TEAD1: variants seen among roughly 807,000 people sequenced by gnomAD.
The protein encoded by TEAD1 is TEA domain transcription factor 1.
A neutral mutation model predicts 54.9 loss-of-function variants in TEAD1; 9 were observed. That is an observed-to-expected ratio of 0.16 (90% confidence interval 0.10 to 0.29). The LOEUF (loss-of-function observed/expected upper bound fraction) is 0.29. Ranked by LOEUF, TEAD1 falls within the 10% of genes least tolerant of loss-of-function variation. TEAD1 has a pLI of 1.00. For synonymous variants in TEAD1, 200 were observed against 187.8 expected, an observed-to-expected ratio of 1.07 and a Z score of -0.53; for missense variants, 387 against 535.9, an observed-to-expected ratio of 0.72 and a Z score of 2.74.
At chr11:12,785,323 G>A (rs992421806) in intron 3 of TEAD1, among the ~76,000 whole-genome samples, 3 of 152,162 alleles carry the variant, frequency 2.0e-5, no homozygotes, top group Non-Finnish European at 2.9e-5. Context: ...CCCTTTTCCC[G>A]GTTCCAGTTC....
chr11:12,689,835 C>G (rs1943415988), intron 2 of TEAD1, among the ~76,000 whole-genome samples: 1 of 152,024 alleles, frequency 6.6e-6, no homozygotes, highest in African/African-American at 2.4e-5. Context: ...TGGAAGCAAT[C>G]CTAGTTGTCA....
chr11:12,864,652 GTTTT>G (rs1361626280), intron 4 of TEAD1, 182 bp from the exon 5 acceptor site: 84 of 1,385,788 alleles, frequency 6.1e-5, no homozygotes, highest in Non-Finnish European at 7.5e-5. Context: ...GTTTTGTTTT[GTTTT>G]GTTTCCCCTC....
At chr11:12,815,181 G>T (rs1466679999) in intron 3 of TEAD1, among the ~76,000 whole-genome samples, 2 of 152,134 alleles carry the variant, frequency 1.3e-5, no homozygotes, top group Non-Finnish European at 2.9e-5. Flanking sequence ...GTTTTAAACA[G>T]AAACTGTGTT....
chr11:12,915,299 T>C (rs1157484884), intron 10 of TEAD1, among the ~76,000 whole-genome samples: 1 of 152,096 alleles, frequency 6.6e-6, no homozygotes. Flanking sequence ...TCACTCCCAT[T>C]CTTCACTGGG....
At chr11:12,883,481 A>G (rs543000908) in intron 9 of TEAD1, among the ~76,000 whole-genome samples, 1 of 152,262 alleles carries the variant, frequency 6.6e-6, no homozygotes, top group African/African-American at 2.4e-5. Flanking sequence ...AGTTATTTAG[A>G]TATATGATCA....
intron 5 of TEAD1, among the ~76,000 whole-genome samples, chr11:12,876,484 C>T (rs1354359719): frequency 6.6e-6 from 1 of 152,096 alleles, no homozygotes; most frequent in Non-Finnish European, 1.5e-5. Flanking sequence ...ATACGTGGAA[C>T]TCTTCGGGTC....
intron 2 of TEAD1, among the ~76,000 whole-genome samples, chr11:12,758,242 T>C (rs1945024538): frequency 6.6e-6 from 1 of 151,554 alleles, no homozygotes; most frequent in African/African-American, 2.4e-5. Context: ...TGTTTTTTTT[T>C]TTTTAATTTT....
At chr11:12,891,929 G>A (rs1018753273) in intron 9 of TEAD1, among the ~76,000 whole-genome samples, 4 of 152,264 alleles carry the variant, frequency 2.6e-5, no homozygotes, top group Middle Eastern at 3.4e-3. Context: ...TTGCTGCCTG[G>A]TGTTCTGGCC....
At chr11:12,857,617 A>G (rs7926297) in intron 3 of TEAD1, among the ~76,000 whole-genome samples, 1,466 of 69,794 alleles carry the variant, frequency 0.021, 21 homozygotes, top group African/African-American at 0.1. Context: ...TGTGTGTTAG[A>G]AGATCATGGC....
chr11:12,838,777 A>C (rs1946962660), intron 3 of TEAD1, among the ~76,000 whole-genome samples: 1 of 152,170 alleles, frequency 6.6e-6, no homozygotes, highest in Non-Finnish European at 1.5e-5. Context: ...AACATTTCTG[A>C]TTCTCTAATA....
intron 6 of TEAD1, 54 bp downstream of exon 6, chr11:12,879,896 G>A: frequency 6.2e-7 from 1 of 1,609,656 alleles, no homozygotes; most frequent in Non-Finnish European, 8.5e-7. Context: ...GGGTTGGCAT[G>A]TGCCAGTGTT....
At chr11:12,878,957 T>C (rs1947911654) in intron 5 of TEAD1, 1 of 1,238,542 alleles carries the variant, frequency 8.1e-7, no homozygotes, top group South Asian at 1.3e-5. Context: ...GGCAGACTTT[T>C]TTGGCTAGCT....
chr11:12,889,765 AG>A (rs1355659166), intron 9 of TEAD1, among the ~76,000 whole-genome samples: 2 of 152,088 alleles, frequency 1.3e-5, no homozygotes, highest in Non-Finnish European at 1.5e-5. Flanking sequence ...TGCATTGCCC[AG>A]GCTGGAATGT....
At chr11:12,780,409 A>G (rs1945518577) in intron 3 of TEAD1, among the ~76,000 whole-genome samples, 1 of 151,886 alleles carries the variant, frequency 6.6e-6, no homozygotes, top group South Asian at 2.1e-4. Flanking sequence ...ATACCCAGCT[A>G]AGTTTTGTAT....
At position 12,852,108 on chromosome 11, in the gene TEAD1, G is replaced by T. The variant is rs141533475; in HGVS notation, c.203-10142G>T. ...AAAGAGAAGAGAAAGAACATGTAAG[G>T]ATAGGTGGTTCCACAAAGGCATGGA... On this transcript the variant is annotated intron_variant, in intron 3 of 12. Transcript: ENST00000527636. Among the ~76,000 whole-genome samples the T allele has an allele frequency of 9.8e-3, 1,495 of 152,304 alleles. 27 individuals carry two copies. Among genetic ancestry groups the T allele is most frequent in the African/African-American group, 0.034 (1,424 of 41,550 alleles).
intron 3 of TEAD1, among the ~76,000 whole-genome samples, chr11:12,783,957 GT>G (rs901001775): frequency 5.9e-5 from 9 of 152,104 alleles, no homozygotes; most frequent in Non-Finnish European, 1.3e-4. Flanking sequence ...GGGAGCCCTT[GT>G]TTTTAGGATA....
intron 3 of TEAD1, among the ~76,000 whole-genome samples, chr11:12,854,145 A>G (rs1418832692): frequency 6.6e-6 from 1 of 152,168 alleles, no homozygotes; most frequent in Non-Finnish European, 1.5e-5. Context: ...AATGATTTAT[A>G]TTGAGGATTA....
At position 12,794,749 on chromosome 11, in the gene TEAD1, A is replaced by G. The variant is rs535554986; in HGVS notation, c.202+30315A>G. On this transcript the variant is annotated intron_variant, in intron 3 of 12. Coordinates refer to ENST00000527636, the MANE Select transcript of TEAD1 (RefSeq NM_021961.6). The stretch of plus-strand genomic sequence containing the variant: ...GGCAGGAGCACCCGAGTGGGTGTGC[A>G]TGCACATAATGGGCCCAGCTGCTGT... 1.5e-4 allele frequency among the ~76,000 whole-genome samples: 23 copies of G among 152,318 alleles called. No homozygotes were observed. In the East Asian group the frequency reaches 4.3e-3, roughly 28 times the overall value.
intron 2 of TEAD1, among the ~76,000 whole-genome samples, chr11:12,727,840 G>A (rs1199678714): frequency 6.6e-6 from 1 of 151,946 alleles, no homozygotes; most frequent in Admixed American, 6.6e-5. Flanking sequence ...GGCTTTCATA[G>A]TCCTTGTTCC....
Sources: gnomAD v4.1 joint callset for allele counts (sites outside exome capture counted in the v4.1 genomes callset) on GRCh38, gnomAD v4.1.1 for gene constraint, MANE v1.5 for transcripts, NCBI Gene and HGNC (gene_info 2026-07-23, HGNC 2026-07-21) for gene names.